The following TOM1L1 variants were observed in gnomAD, a reference collection of about 807,000 sequenced individuals.
TOM1L1 encodes the protein TOM1-like protein 1.
A neutral mutation model predicts 63.4 loss-of-function variants in TOM1L1; 64 were observed. The observed-to-expected ratio is 1.01, with a 90% CI of 0.83 to 1.24. The LOEUF (loss-of-function observed/expected upper bound fraction) is 1.24. Among genes scored for constraint, TOM1L1 ranks in the 50% most tolerant of loss-of-function variants. The pLI, the probability that TOM1L1 is intolerant of heterozygous loss-of-function variation, is 0.00. For synonymous variants in TOM1L1, 166 were observed against 194.4 expected (o/e 0.85, Z 1.22); for missense variants, 536 against 567.0 (o/e 0.95, Z 0.55).
intron 7 of TOM1L1, among the ~76,000 whole-genome samples, chr17:54,925,642 G>A (rs1158894735): frequency 2.6e-5 from 4 of 152,192 alleles, no homozygotes; most frequent in Admixed American, 2.0e-4. Flanking sequence ...GATGGAGCAC[G>A]CCTGTAATCT....
At chr17:54,952,788 TC>T (rs2143992597) in intron 14 of TOM1L1, 1 of 152,350 alleles carries the variant, frequency 6.6e-6, no homozygotes, top group South Asian at 2.1e-4. Flanking sequence ...GTCTGGAACT[TC>T]CCCAGGAACT....
chr17:54,937,214 C>A lies in TOM1L1; in HGVS notation c.1021C>A (p.Leu341Ile), dbSNP rs754130279. The change falls in exon 10 of 16, where the codon CTT becomes ATT. Residue 341 changes from leucine to isoleucine, a missense_variant. By Grantham distance (5) the Leu-to-Ile change is conservative. Coordinates refer to ENST00000575882, the MANE Select transcript of TOM1L1 (RefSeq NM_005486.3). The stretch of plus-strand genomic sequence containing the variant: ...AGAACTCAACACCATGAATAATCAA[C>A]TTTCAGGCTTAAGTAAATAAACACT... ...LGELNTMNNQLSGLNFSLPSS... is the reference protein window; with the variant it reads ...LGELNTMNNQISGLNFSLPSS... The A allele has an allele frequency of 5.6e-6, 9 of 1,611,682 alleles. No individual in the cohort carries two copies. The South Asian group carries it at 7.7e-5, about 14-fold the overall frequency.
rs1363183298 is a variant in TOM1L1 at position 54,947,299 on chromosome 17, A to T, written c.1169A>T (p.His390Leu). ...ACCAGCCAAAACCTCACCTCAAGCC[A>T]CGCATATGATAATGTAAGTAACAAA... Reference protein sequence around the residue: ...QRTSQNLTSSHAYDNFLEHSN... With the variant: ...QRTSQNLTSSLAYDNFLEHSN... The change falls in exon 12 of 16, where the codon CAC becomes CTC. Residue 390 changes from histidine to leucine, a missense_variant. His to Leu is a moderately conservative substitution (Grantham distance 99, BLOSUM62 -3). Coordinates refer to ENST00000575882, the MANE Select transcript of TOM1L1 (RefSeq NM_005486.3). 6.2e-7 allele frequency: 1 copy of T among 1,614,170 alleles called. No individual in the cohort carries two copies. Among genetic ancestry groups the T allele is most frequent in the Admixed American group, 1.7e-5 (1 of 60,022 alleles).
At position 54,913,856 on chromosome 17, in the gene TOM1L1, G is replaced by A. The variant is rs2048538937; in HGVS notation, c.481G>A (p.Glu161Lys). The A allele has an allele frequency of 2.5e-6, 4 of 1,608,642 alleles. No homozygotes were observed. The highest frequency in any genetic ancestry group is 4.5e-5 in the East Asian group (2 of 44,364). ...GTTTCCTCCCTCAGAAGCAGAGGCT[G>A]AAACAGCAAGACAAGAGGTAGGAGG... ...VQFPPSEAEAETARQETAQIS... is the reference protein window; with the variant it reads ...VQFPPSEAEAKTARQETAQIS... Residue 161 changes from glutamate (E) to lysine (K), a missense_variant, in exon 5 of 16, where the codon GAA becomes AAA. By Grantham distance (56) the Glu-to-Lys change is moderately conservative. Transcript: ENST00000575882.
At chr17:54,906,329 C>T (rs908637703) in intron 3 of TOM1L1, among the ~76,000 whole-genome samples, 3 of 151,816 alleles carry the variant, frequency 2.0e-5, no homozygotes, top group Admixed American at 6.6e-5. Flanking sequence ...AGTAGCAGGG[C>T]GTGGTGGCGT....
At chr17:54,931,304 T>C (rs1319618891) in intron 8 of TOM1L1, among the ~76,000 whole-genome samples, 1 of 152,160 alleles carries the variant, frequency 6.6e-6, no homozygotes, top group Admixed American at 6.5e-5. Context: ...AATAATACCT[T>C]TTTAGAGGGT....
intron 10 of TOM1L1, 94 bp downstream of exon 10, chr17:54,937,320 C>A: frequency 9.8e-7 from 1 of 1,015,756 alleles, no homozygotes; most frequent in Non-Finnish European, 1.5e-6. Flanking sequence ...CTAAGAAGGA[C>A]TGAAGTCAGG....
chr17:54,940,913 G>T (rs2049023677), intron 11 of TOM1L1, among the ~76,000 whole-genome samples: 1 of 152,020 alleles, frequency 6.6e-6, no homozygotes, highest in Non-Finnish European at 1.5e-5. Flanking sequence ...CCTTTTAAGT[G>T]TATATATTTT....
intron 3 of TOM1L1, among the ~76,000 whole-genome samples, chr17:54,911,139 T>C (rs905502597): frequency 3.3e-5 from 5 of 152,226 alleles, no homozygotes; most frequent in African/African-American, 1.2e-4. Context: ...TTATTGCAAA[T>C]GTGTTTTTCA....
Position 54,913,765 on chromosome 17 carries a change from C to G in TOM1L1, c.390C>G (p.Phe130Leu). 6.2e-7 allele frequency: 1 copy of G among 1,609,158 alleles called. No homozygotes were observed. The highest frequency in any genetic ancestry group is 1.3e-5 in the African/African-American group (1 of 74,790). The change falls in exon 5 of 16, where the codon TTC (phenylalanine) becomes TTG (leucine). Residue 130 changes from phenylalanine to leucine, a missense_variant. Phe to Leu is a conservative substitution (Grantham distance 22). Coordinates refer to ENST00000575882, the MANE Select transcript of TOM1L1 (RefSeq NM_005486.3). ...LNFIKTWSQG[F>L]PGGVDVSEVK... Reference sequence around the variant, plus strand: ...GAATTCAGACTTGGTCACAGGGCTTCCCAGGAGGTGTGGATGTAAGCGAAG... The same window carrying G: ...GAATTCAGACTTGGTCACAGGGCTTGCCAGGAGGTGTGGATGTAAGCGAAG...
At chr17:54,958,730 C>CAA (rs61603848) in intron 14 of TOM1L1, among the ~76,000 whole-genome samples, 27 of 57,504 alleles carry the variant, frequency 4.7e-4, no homozygotes, top group African/African-American at 1.2e-3. Flanking sequence ...AACTCCATCT[C>CAA]AAAAAAAAAA....
rs868245848 is a variant in TOM1L1, at chr17:54,901,033, T to G, written c.58+110T>G. 74 of 1,447,738 alleles carry G rather than the reference T, an allele frequency of 5.1e-5. No homozygotes were observed. The African/African-American group carries it at 9.7e-4, about 19-fold the overall frequency. The allele number at this position is 1,447,738 out of a possible 1,614,324, so 89.7% of individuals were successfully genotyped here. The stretch of plus-strand genomic sequence containing the variant: ...ACGGAGTTAGTCCAACTTGAAAAAA[T>G]TATTCCCCTCCCCCCGCAACTTTCC... On this transcript the variant is annotated intron_variant, in intron 1 of 15. Coordinates refer to ENST00000575882, the MANE Select transcript of TOM1L1 (RefSeq NM_005486.3).
At chr17:54,959,251 T>C (rs573307421) in intron 14 of TOM1L1, 4 of 152,314 alleles carry the variant, frequency 2.6e-5, no homozygotes, top group Non-Finnish European at 4.4e-5. Flanking sequence ...TGTTTTGCTA[T>C]ACTGTATATA....
chr17:54,919,328 A>ACCTGG (rs2048643604), intron 7 of TOM1L1, among the ~76,000 whole-genome samples: 1 of 152,204 alleles, frequency 6.6e-6, no homozygotes, highest in Non-Finnish European at 1.5e-5. Flanking sequence ...TTCTAGTTCC[A>ACCTGG]CCTGGTCTTC....
At chr17:54,959,960 T>G (rs1405906009) in intron 14 of TOM1L1, among the ~76,000 whole-genome samples, 1 of 150,676 alleles carries the variant, frequency 6.6e-6, no homozygotes, top group South Asian at 2.1e-4. Context: ...AACTGAGGAG[T>G]TTTTTAAGCA....
At chr17:54,913,665 CAAAAA>C (rs58570485) in intron 4 of TOM1L1, 78 bp from the exon 5 acceptor site, 12,475 of 1,069,968 alleles carry the variant, frequency 0.012, 1 homozygote, top group Non-Finnish European at 0.013. Context: ...GACTCTGTCT[CAAAAA>C]AAAAAAAAAA....
intron 8 of TOM1L1, among the ~76,000 whole-genome samples, chr17:54,932,696 C>T (rs745498982): frequency 6.6e-6 from 1 of 152,150 alleles, no homozygotes; most frequent in African/African-American, 2.4e-5. Flanking sequence ...GCTGGGATTA[C>T]AGGCGTGAGC....
chr17:54,926,611 A>T (rs568205619), intron 7 of TOM1L1, among the ~76,000 whole-genome samples: 1 of 151,750 alleles, frequency 6.6e-6, no homozygotes, highest in East Asian at 1.9e-4. Flanking sequence ...GGGAATCTGA[A>T]ATTTGATCCT....
intron 11 of TOM1L1, among the ~76,000 whole-genome samples, chr17:54,943,441 G>GGT (rs10694555): frequency 0.22 from 29,066 of 134,146 alleles, 3,192 homozygotes; most frequent in African/African-American, 0.27. Context: ...TTTGTATAAT[G>GGT]GTGTGTGTGT....
Sources: gnomAD v4.1 joint callset for allele counts (sites outside exome capture counted in the v4.1 genomes callset) on GRCh38, gnomAD v4.1.1 for gene constraint, MANE v1.5 for transcripts, NCBI Gene and HGNC (gene_info 2026-07-23, HGNC 2026-07-21) for gene names.